RGS6: variants seen among roughly 807,000 people sequenced by gnomAD.
The protein encoded by RGS6 is regulator of G protein signaling 6.
Under a neutral mutation model 78.5 loss-of-function variants are expected in RGS6, and 30 were observed. That is an observed-to-expected ratio of 0.38 (90% confidence interval 0.29 to 0.52). The LOEUF (loss-of-function observed/expected upper bound fraction) is 0.52, where lower values mean the gene tolerates loss of function less well. Ranked by LOEUF, RGS6 falls within the 20% of genes least tolerant of loss-of-function variation. The pLI is 0.85. For missense variants in RGS6, 495 were observed against 609.7 expected, an observed-to-expected ratio of 0.81 and a Z score of 1.98; for synonymous variants, 206 against 206.0, an observed-to-expected ratio of 1.00 and a Z score of 0.00.
At chr14:72,349,359 A>G (rs1413596114) in intron 2 of RGS6, among the ~76,000 whole-genome samples, 1 of 152,120 alleles carries the variant, frequency 6.6e-6, no homozygotes, top group Non-Finnish European at 1.5e-5. Context: ...GGGAGTAACT[A>G]CAGCCATGCA....
chr14:72,056,641 G>C (rs890194080), intron 2 of RGS6, among the ~76,000 whole-genome samples: 25 of 152,242 alleles, frequency 1.6e-4, no homozygotes, highest in African/African-American at 5.5e-4. Context: ...GTATTTCTGT[G>C]CACATTTAGA....
intron 2 of RGS6, among the ~76,000 whole-genome samples, chr14:72,159,927 T>A (rs997052969): frequency 6.6e-6 from 1 of 152,340 alleles, no homozygotes; most frequent in African/African-American, 2.4e-5. Flanking sequence ...GTTGACCAGT[T>A]TTTATAATTT....
the RGS6 span, among the ~76,000 whole-genome samples, chr14:71,910,624 T>A: frequency 6.6e-6 from 1 of 152,128 alleles, no homozygotes. Flanking sequence ...ATTACGTTTT[T>A]CCCCCAGCAA....
At chr14:72,054,384 C>T (rs142710703) in intron 2 of RGS6, among the ~76,000 whole-genome samples, 4 of 152,262 alleles carry the variant, frequency 2.6e-5, no homozygotes, top group African/African-American at 9.6e-5. Context: ...CAGTTCTACA[C>T]CTTGGCCTGA....
chr14:72,417,099 C>G (rs568928375), intron 3 of RGS6, among the ~76,000 whole-genome samples: 1 of 152,320 alleles, frequency 6.6e-6, no homozygotes, highest in South Asian at 2.1e-4. Flanking sequence ...AGCGCCACTC[C>G]CTAAGCATGC....
chr14:72,135,172 T>C (rs143838345), intron 2 of RGS6, among the ~76,000 whole-genome samples: 18 of 152,310 alleles, frequency 1.2e-4, no homozygotes, highest in African/African-American at 3.4e-4. Context: ...ATCCCTTGAG[T>C]TTGCCAACCC....
At position 72,564,767 on chromosome 14, in the gene RGS6, G is replaced by C. The variant is rs1194337384; in HGVS notation, c.*2300G>C. 1 of 152,394 alleles carries C rather than the reference G, an allele frequency of 6.6e-6. No homozygotes were observed. Among genetic ancestry groups the C allele is most frequent in the African/African-American group, 2.4e-5 (1 of 41,466 alleles). The allele number at this position is 152,394 out of a possible 1,614,324, so 9.4% of individuals were successfully genotyped here. A position where few individuals can be genotyped will look rare whatever the true frequency, so the allele number is the denominator to read the frequency against. On this transcript the variant is annotated 3_prime_UTR_variant, in exon 18 of 18. Coordinates refer to ENST00000553525, the MANE Select transcript of RGS6 (RefSeq NM_001204424.2). ...TCCCCAGAGGATCTGACCAGAGCCA[G>C]GTGGACTGTGGCCCTGAGATGGAGC...
chr14:72,474,671 G>A lies in RGS6; in HGVS notation c.665G>A (p.Arg222His), dbSNP rs143420037. 173 of 1,613,646 alleles carry A rather than the reference G, an allele frequency of 1.1e-4. No homozygotes were observed. The African/African-American group carries it at 1.4e-3, about 13-fold the overall frequency. ...GAAATGGATATCCGAAAATGTCGAC[G>A]TTTGAAGAATCCACAAAAGGTTAAA... Reference protein sequence around the residue: ...TTEMDIRKCRRLKNPQKVKKS... With the variant: ...TTEMDIRKCRHLKNPQKVKKS... The change falls in exon 10 of 18, where the codon CGT (arginine) becomes CAT (histidine). Residue 222 changes from arginine to histidine, a missense_variant. Transcript: ENST00000553525.
At chr14:72,593,455 G>A in the RGS6 span, among the ~76,000 whole-genome samples, 11 of 152,074 alleles carry the variant, frequency 7.2e-5, no homozygotes, top group East Asian at 1.9e-4. Flanking sequence ...GTGCGATCTC[G>A]GCTCACTGCA....
At chr14:72,127,329 G>A (rs1469052775) in intron 2 of RGS6, among the ~76,000 whole-genome samples, 1 of 152,150 alleles carries the variant, frequency 6.6e-6, no homozygotes, top group Non-Finnish European at 1.5e-5. Context: ...GTATGTAAAG[G>A]AGCACTTTGT....
intron 3 of RGS6, among the ~76,000 whole-genome samples, chr14:72,408,248 CA>C (rs1167397818): frequency 6.6e-6 from 1 of 152,212 alleles, no homozygotes; most frequent in African/African-American, 2.4e-5. Context: ...CTAAGATCCA[CA>C]GACCCCTGGT....
intron 2 of RGS6, among the ~76,000 whole-genome samples, chr14:72,073,712 T>G (rs1380477261): frequency 1.3e-5 from 2 of 152,182 alleles, no homozygotes; most frequent in Non-Finnish European, 2.9e-5. Flanking sequence ...ACAATGGCCT[T>G]GGCTGGAATA....
intron 12 of RGS6, among the ~76,000 whole-genome samples, chr14:72,482,647 A>C (rs2096404686): frequency 6.6e-6 from 1 of 151,924 alleles, no homozygotes; most frequent in Non-Finnish European, 1.5e-5. Flanking sequence ...ACAGTTGAGC[A>C]CTCCTTAATA....
At chr14:72,496,984 T>G (rs541215617) in intron 13 of RGS6, among the ~76,000 whole-genome samples, 42 of 152,352 alleles carry the variant, frequency 2.8e-4, no homozygotes, top group African/African-American at 8.4e-4. Flanking sequence ...AAGTAAGATT[T>G]ATTTTACCAG....
At chr14:72,314,606 A>G (rs1178731472) in intron 2 of RGS6, among the ~76,000 whole-genome samples, 3 of 152,224 alleles carry the variant, frequency 2.0e-5, no homozygotes, top group Non-Finnish European at 4.4e-5. Context: ...CAAAGATAGC[A>G]AGGGGCAAAG....
the RGS6 span, among the ~76,000 whole-genome samples, chr14:71,875,311 T>A: frequency 6.6e-6 from 1 of 152,186 alleles, no homozygotes; most frequent in Admixed American, 6.5e-5. Context: ...AATTATTGCC[T>A]CAATTTCAGA....
intron 3 of RGS6, among the ~76,000 whole-genome samples, chr14:72,375,269 G>A (rs939967031): frequency 2.6e-5 from 4 of 152,016 alleles, no homozygotes; most frequent in Non-Finnish European, 5.9e-5. Flanking sequence ...AAAAGCATCG[G>A]GTTCCAAAAG....
chr14:72,187,876 ATG>A (rs151285539), intron 2 of RGS6, among the ~76,000 whole-genome samples: 36,344 of 151,846 alleles, frequency 0.24, 4,617 homozygotes, highest in Non-Finnish European at 0.28. Context: ...ATTTGCAGAC[ATG>A]TGTGGAACAG....
chr14:72,411,228 T>C (rs1039243165), intron 3 of RGS6, among the ~76,000 whole-genome samples: 5 of 152,254 alleles, frequency 3.3e-5, no homozygotes, highest in African/African-American at 1.2e-4. Flanking sequence ...CATTTGTTTG[T>C]ATCCTCTTTT....
Sources: allele counts gnomAD v4.1 joint callset (sites outside exome capture counted in the v4.1 genomes callset), GRCh38; gene constraint gnomAD v4.1.1; transcripts MANE v1.5; gene names NCBI Gene and HGNC (gene_info 2026-07-23, HGNC 2026-07-21).